Variants in ABCA5 observed in about 807,000 individuals in gnomAD.
ABCA5 encodes the protein ATP binding cassette subfamily A member 5, also known as cholesterol transporter ABCA5.
A neutral mutation model predicts 206.0 loss-of-function variants in ABCA5; 163 were observed. The observed-to-expected ratio is 0.79, with a 90% CI of 0.70 to 0.90. ABCA5 has a LOEUF of 0.90. Among genes scored for constraint, ABCA5 ranks in the 40% least tolerant of loss-of-function variants. The pLI, the probability that ABCA5 is intolerant of heterozygous loss-of-function variation, is 0.00. For synonymous variants in ABCA5, 609 were observed against 613.8 expected (o/e 0.99, Z 0.11); for missense variants, 1,859 against 1,912.9 (o/e 0.97, Z 0.53).
At chr17:69,319,962 C>G (rs1230124975) in intron 1 of ABCA5, among the ~76,000 whole-genome samples, 1 of 152,154 alleles carries the variant, frequency 6.6e-6, no homozygotes, top group African/African-American at 2.4e-5. Context: ...AACTTCAAGA[C>G]CTTGGGCAAG....
intron 8 of ABCA5, 62 bp from the exon 9 acceptor site, chr17:69,301,348 C>G: frequency 7.0e-7 from 1 of 1,436,000 alleles, no homozygotes; most frequent in Non-Finnish European, 9.4e-7. Context: ...AAAGCTAACA[C>G]TACTTAAGAG....
chr17:69,296,237 A>T (rs2075582450), intron 10 of ABCA5, among the ~76,000 whole-genome samples: 1 of 152,224 alleles, frequency 6.6e-6, no homozygotes, highest in South Asian at 2.1e-4. Flanking sequence ...TTAATCAGTT[A>T]AAATTTACCG....
In ABCA5 at chr17:69,271,150, C is replaced by T. The variant is rs2075268816; in HGVS notation, c.2892+12G>A. The stretch of plus-strand genomic sequence containing the variant: ...CTCCCAAATGGATATTCATTCACTG[C>T]ATTCATCTTACCTTTTCTGAATGCA... On this transcript the variant is annotated intron_variant, in intron 21 of 38. Transcript: ENST00000392676. 6.2e-6 allele frequency: 10 copies of T among 1,604,638 alleles called. 1 individual carries two copies. Among genetic ancestry groups the T allele is most frequent in the East Asian group, 2.2e-5 (1 of 44,618 alleles).
chr17:69,289,156 G>C (rs373289423), intron 14 of ABCA5, 21 bp downstream of exon 14: 1 of 1,590,696 alleles, frequency 6.3e-7, no homozygotes. Context: ...GAGCTCATCT[G>C]TAAAAGTAAT....
intron 1 of ABCA5, chr17:69,318,851 C>G: frequency 1.4e-6 from 1 of 704,370 alleles, no homozygotes; most frequent in Non-Finnish European, 2.7e-6. Flanking sequence ...CTTTATGAAT[C>G]TTGTGATAGA....
chr17:69,327,070 G>A lies in ABCA5; in HGVS notation c.-34C>T, dbSNP rs2075901810. 1.3e-5 allele frequency: 2 copies of A among 154,558 alleles called. No individual in the cohort carries two copies. The highest frequency in any genetic ancestry group is 1.3e-4 in the Admixed American group (2 of 15,298). 9.6% of individuals were successfully genotyped at this position (154,558 alleles called of 1,614,324 possible). A position where few individuals can be genotyped will look rare whatever the true frequency, so the allele number is the denominator to read the frequency against. On this transcript the variant is annotated 5_prime_UTR_variant, in exon 1 of 39. Coordinates refer to ENST00000392676, the MANE Select transcript of ABCA5 (RefSeq NM_172232.4). The stretch of plus-strand genomic sequence containing the variant: ...GCCTCACCTCAGGGCCCGAGCCGCA[G>A]AGCTGTCAGGCCTGGACGCGCTCAG...
chr17:69,285,224 G>A (rs1598177439), intron 17 of ABCA5, among the ~76,000 whole-genome samples: 2 of 152,262 alleles, frequency 1.3e-5, no homozygotes, highest in South Asian at 4.1e-4. Context: ...TGTTACTAAA[G>A]AATAGGAGAT....
chr17:69,297,256 T>C lies in ABCA5; in HGVS notation c.1371A>G (p.Gly457=). Reference sequence around the variant, plus strand: ...CAATAATTTCACTAAAACTAATATTTCCATTAACATTGCCCTCTGATAACT... The same window carrying C: ...CAATAATTTCACTAAAACTAATATTCCCATTAACATTGCCCTCTGATAACT... ...YEELSEGNVN[G]NISFSEIIEP... Residue 457 remains glycine (G), a synonymous_variant, in exon 10 of 39, where the codon GGA becomes GGG. Coordinates refer to ENST00000392676, the MANE Select transcript of ABCA5 (RefSeq NM_172232.4). 1 of 1,612,854 alleles carries C rather than the reference T, an allele frequency of 6.2e-7. No homozygotes were observed. The highest frequency in any genetic ancestry group is 1.3e-5 in the African/African-American group (1 of 75,012).
intron 1 of ABCA5, among the ~76,000 whole-genome samples, chr17:69,320,269 C>T (rs2075852388): frequency 6.6e-6 from 1 of 151,994 alleles, no homozygotes; most frequent in Non-Finnish European, 1.5e-5. Context: ...TAAAAAAGCA[C>T]TAAAAGATGG....
At position 69,287,666 on chromosome 17, in the gene ABCA5, T is replaced by C. The variant is rs766363836; in HGVS notation, c.1988A>G (p.Asn663Ser). The change falls in exon 15 of 39, where the codon AAT becomes AGT. Residue 663 changes from asparagine (N) to serine (S), a missense_variant. Transcript: ENST00000392676. ...ATGAGTACTGAACACTGTCACCCGATTGGCTTTTCTGTATTTTAAAAGATT... is the reference window on the plus strand; with the variant it reads ...ATGAGTACTGAACACTGTCACCCGACTGGCTTTTCTGTATTTTAAAAGATT... ...VWNLLKYRKA[N>S]RVTVFSTHFM... 8.4e-5 allele frequency: 135 copies of C among 1,613,868 alleles called. No individual in the cohort carries two copies. The highest frequency in any genetic ancestry group is 1.6e-4 in the Middle Eastern group (1 of 6,082).
chr17:69,318,866 T>C (rs766689302), intron 1 of ABCA5: 1 of 703,566 alleles, frequency 1.4e-6, no homozygotes, highest in Non-Finnish European at 2.7e-6. Flanking sequence ...GATAGATTAA[T>C]GTGTGGAGAT....
intron 22 of ABCA5, 41 bp from the exon 23 acceptor site, chr17:69,268,097 A>G: frequency 1.1e-6 from 1 of 918,628 alleles, no homozygotes; most frequent in Non-Finnish European, 1.8e-6. Flanking sequence ...ACTGAGAATC[A>G]TTTTATATCT....
intron 12 of ABCA5, 30 bp downstream of exon 12, chr17:69,291,186 G>T: frequency 3.6e-6 from 5 of 1,374,394 alleles, no homozygotes; most frequent in Middle Eastern, 1.9e-4. Context: ...ATATAATGAA[G>T]TTTTTTTTTC....
At chr17:69,318,640 C>T (rs534516656) in intron 1 of ABCA5, 905 of 334,894 alleles carry the variant, frequency 2.7e-3, no homozygotes, top group Non-Finnish European at 3.6e-3. Context: ...TTAAAAACAG[C>T]AAAACAAAAG....
chr17:69,319,376 G>GT (rs1567786413), intron 1 of ABCA5, among the ~76,000 whole-genome samples: 2 of 152,012 alleles, frequency 1.3e-5, no homozygotes, highest in Non-Finnish European at 2.9e-5. Context: ...AGAATTTTTT[G>GT]TTTTTTTGAG....
intron 20 of ABCA5, among the ~76,000 whole-genome samples, chr17:69,273,273 C>T (rs1001771294): frequency 1.3e-5 from 2 of 151,912 alleles, no homozygotes; most frequent in Non-Finnish European, 2.9e-5. Flanking sequence ...CACTTCTATG[C>T]AGACACATAC....
chr17:69,279,262 T>C (rs1249332264), intron 18 of ABCA5, among the ~76,000 whole-genome samples: 2 of 151,892 alleles, frequency 1.3e-5, no homozygotes, highest in East Asian at 1.9e-4. Flanking sequence ...AGCCAAATCA[T>C]GAGTGAACTC....
In ABCA5 at chr17:69,299,957, G is replaced by C. The variant is rs557373442; in HGVS notation, c.1267+1182C>G. On this transcript the variant is annotated intron_variant, in intron 9 of 38. Transcript: ENST00000392676. ...AGACTAGTGGTCCCCAGCCTTTTTG[G>C]CACCAGGGACTGGTTTTGTGATAGA... Among the ~76,000 whole-genome samples, 143 of 152,258 alleles carry C rather than the reference G, an allele frequency of 9.4e-4. 1 individual carries two copies. In the East Asian group the frequency reaches 0.026, roughly 28 times the overall value.
chr17:69,247,790 GAT>G (rs898057224), intron 38 of ABCA5, 146 bp from the exon 39 acceptor site: 2 of 458,664 alleles, frequency 4.4e-6, no homozygotes, highest in African/African-American at 4.1e-5. Context: ...TATTCAAACA[GAT>G]TATTTTCAAA....
Sources: gnomAD v4.1 joint callset for allele counts (sites outside exome capture counted in the v4.1 genomes callset) on GRCh38, gnomAD v4.1.1 for gene constraint, MANE v1.5 for transcripts, NCBI Gene and HGNC (gene_info 2026-07-23, HGNC 2026-07-21) for gene names.